Variants in PDE3A observed in about 807,000 individuals in gnomAD.
PDE3A encodes cGMP-inhibited 3',5'-cyclic phosphodiesterase 3A.
Under a neutral mutation model 98.3 loss-of-function variants are expected in PDE3A, and 43 were observed. That is an observed-to-expected ratio of 0.44 (90% CI 0.34 to 0.56). The LOEUF is 0.56. Among genes scored for constraint, PDE3A ranks in the 20% least tolerant of loss-of-function variants. The probability of loss-of-function intolerance (pLI) is 0.01; values close to 1 mark genes in which losing one functional copy is unlikely to be tolerated. For missense variants in PDE3A, 1,427 were observed against 1,440.7 expected, an observed-to-expected ratio of 0.99 and a Z score of 0.15; for synonymous variants, 663 against 567.9, an observed-to-expected ratio of 1.17 and a Z score of -2.38.
intron 1 of PDE3A, among the ~76,000 whole-genome samples, chr12:20,403,391 G>A (rs1406385963): frequency 6.6e-6 from 1 of 152,126 alleles, no homozygotes; most frequent in Non-Finnish European, 1.5e-5. Context: ...ACTTTGCAGG[G>A]AGAGCACTTA....
chr12:20,480,065 T>C (rs569748157), intron 1 of PDE3A, among the ~76,000 whole-genome samples: 1 of 152,218 alleles, frequency 6.6e-6, no homozygotes, highest in Non-Finnish European at 1.5e-5. Context: ...GCAGTGAAGA[T>C]GAGCTCATCT....
chr12:20,597,534 A>G (rs1943495250), intron 2 of PDE3A, among the ~76,000 whole-genome samples: 1 of 152,166 alleles, frequency 6.6e-6, no homozygotes. Context: ...GAAGAGAGGT[A>G]TGAATGATAA....
chr12:20,467,698 A>C (rs1945362755), intron 1 of PDE3A, among the ~76,000 whole-genome samples: 1 of 152,000 alleles, frequency 6.6e-6, no homozygotes, highest in Non-Finnish European at 1.5e-5. Context: ...GCATTTTGGG[A>C]GGCCAAGGTG....
In PDE3A at chr12:20,414,757, C is replaced by T. The variant is rs563390589; in HGVS notation, c.960+44513C>T. On this transcript the variant is annotated intron_variant, in intron 1 of 15. Coordinates refer to ENST00000359062, the MANE Select transcript of PDE3A (RefSeq NM_000921.5). ...CAGTTATTTGTCTTTTTCTTCTGAG[C>T]CAAGTACAAATACTTACATAACAAT... Among the ~76,000 whole-genome samples the T allele has an allele frequency of 1.1e-4, 16 of 152,134 alleles. 1 individual carries two copies. Among genetic ancestry groups the T allele is most frequent in the Non-Finnish European group, 1.6e-4 (11 of 68,010 alleles).
At chr12:20,417,013 A>G (rs1944431593) in intron 1 of PDE3A, among the ~76,000 whole-genome samples, 1 of 152,198 alleles carries the variant, frequency 6.6e-6, no homozygotes. Context: ...TAGAAATTTT[A>G]TGAATGATGG....
chr12:20,661,707 G>T (rs1399207880), intron 15 of PDE3A, among the ~76,000 whole-genome samples: 1 of 152,194 alleles, frequency 6.6e-6, no homozygotes, highest in Non-Finnish European at 1.5e-5. Flanking sequence ...GTAAACAGAA[G>T]TAAAGAACTG....
At chr12:20,673,739 C>G (rs1945555154) in intron 15 of PDE3A, among the ~76,000 whole-genome samples, 1 of 145,340 alleles carries the variant, frequency 6.9e-6, no homozygotes, top group Non-Finnish European at 1.5e-5. Flanking sequence ...GGGAGATATA[C>G]CTAATGCTAG....
intron 1 of PDE3A, among the ~76,000 whole-genome samples, chr12:20,381,085 A>T (rs1008406551): frequency 2.6e-5 from 4 of 151,780 alleles, no homozygotes; most frequent in African/African-American, 9.7e-5. Context: ...CGTTTTGTCC[A>T]CTTCTCGTCA....
At position 20,497,956 on chromosome 12, in the gene PDE3A, A is replaced by G. The variant is rs373811084; in HGVS notation, c.961-58704A>G. On this transcript the variant is annotated intron_variant, in intron 1 of 15. Coordinates refer to ENST00000359062, the MANE Select transcript of PDE3A (RefSeq NM_000921.5). ...AGTGGGGAGGAAATCATGTAAGTCAATATATCTTTTGCTATCCCACTGTTT... is the reference window on the plus strand; with the variant it reads ...AGTGGGGAGGAAATCATGTAAGTCAGTATATCTTTTGCTATCCCACTGTTT... Among the ~76,000 whole-genome samples, 26 of 152,296 alleles carry G rather than the reference A, an allele frequency of 1.7e-4. No homozygotes were observed. The East Asian group carries it at 2.1e-3, about 12-fold the overall frequency.
rs985840915 is a variant in PDE3A at position 20,542,787 on chromosome 12, C to T, written c.961-13873C>T. Among the ~76,000 whole-genome samples the T allele has an allele frequency of 8.6e-5, 13 of 152,044 alleles. No homozygotes were observed. In the East Asian group the frequency reaches 2.5e-3, roughly 29 times the overall value. ...AAGGAGATCAATTTTATAGATTAGT[C>T]TCCTGAAGTTGTGCCAGTGGGTTCG... is the stretch of plus-strand genomic sequence containing the variant. On this transcript the variant is annotated intron_variant, in intron 1 of 15. Transcript: ENST00000359062.
chr12:20,569,778 A>G (rs941150894), intron 2 of PDE3A, among the ~76,000 whole-genome samples: 4 of 152,188 alleles, frequency 2.6e-5, no homozygotes, highest in African/African-American at 9.7e-5. Flanking sequence ...GTATTTGTTC[A>G]TAAGCAAATG....
intron 2 of PDE3A, among the ~76,000 whole-genome samples, chr12:20,565,387 C>T (rs1942630468): frequency 6.6e-6 from 1 of 151,828 alleles, no homozygotes; most frequent in African/African-American, 2.4e-5. Flanking sequence ...TTTTATTAAT[C>T]CTGACAACAT....
At chr12:20,606,932 T>A (rs1592104704) in intron 2 of PDE3A, among the ~76,000 whole-genome samples, 2 of 151,434 alleles carry the variant, frequency 1.3e-5, no homozygotes, top group East Asian at 3.9e-4. Flanking sequence ...ATAATATTGA[T>A]TATACTTGTT....
chr12:20,639,849 T>A lies in PDE3A; in HGVS notation c.2143T>A (p.Ser715Thr), dbSNP rs759255381. The A allele has an allele frequency of 9.1e-6, 13 of 1,421,680 alleles. No homozygotes were observed. Among genetic ancestry groups the A allele is most frequent in the Non-Finnish European group, 1.2e-5 (12 of 1,005,276 alleles). 88.1% of individuals were successfully genotyped at this position (1,421,680 alleles called of 1,614,324 possible). A position where few individuals can be genotyped will look rare whatever the true frequency, so the allele number is the denominator to read the frequency against. Residue 715 changes from serine to threonine, a missense_variant, in exon 10 of 16, where the codon TCT (serine) becomes ACT (threonine). This residue lies in a region of PDE3A where 273 missense variants were observed against 420.3 expected (regional missense o/e 0.65). Coordinates refer to ENST00000359062, the MANE Select transcript of PDE3A (RefSeq NM_000921.5). ...RKCGRILSQV[S>T]YRLFEDMGLF... The stretch of plus-strand genomic sequence containing the variant: ...AAGGCTTTGTCTTCTTTTACAGGTA[T>A]CTTACAGACTTTTTGAAGACATGGG...
At chr12:20,595,320 C>T (rs1943439160) in intron 2 of PDE3A, among the ~76,000 whole-genome samples, 1 of 152,094 alleles carries the variant, frequency 6.6e-6, no homozygotes, top group Admixed American at 6.6e-5. Flanking sequence ...CTAAGTTCCC[C>T]TCATATCTCA....
chr12:20,503,708 C>T (rs1219471309), intron 1 of PDE3A, among the ~76,000 whole-genome samples: 1 of 151,942 alleles, frequency 6.6e-6, no homozygotes, highest in Admixed American at 6.6e-5. Flanking sequence ...TATTTCAATA[C>T]ATTTCTGTGT....
chr12:20,616,332 G>A lies in PDE3A; in HGVS notation c.1372G>A (p.Val458Ile), dbSNP rs768532663. ...TCTACCCACCTTGGAGCCTGCACCAGTACGGAGAGACCGCAGCACCAGCAT... is the reference window on the plus strand; with the variant it reads ...TCTACCCACCTTGGAGCCTGCACCAATACGGAGAGACCGCAGCACCAGCAT... ...TGLPTLEPAP[V>I]RRDRSTSIKL... The change falls in exon 4 of 16, where the codon GTA becomes ATA. Residue 458 changes from valine to isoleucine, a missense_variant. This residue lies in a region of PDE3A where 1,012 missense variants were observed against 886.5 expected (regional missense o/e 1.14). Coordinates refer to ENST00000359062, the MANE Select transcript of PDE3A (RefSeq NM_000921.5). 3 of 1,613,850 alleles carry A rather than the reference G, an allele frequency of 1.9e-6. No homozygotes were observed. The highest frequency in any genetic ancestry group is 1.7e-6 in the Non-Finnish European group (2 of 1,179,942).
intron 15 of PDE3A, among the ~76,000 whole-genome samples, chr12:20,673,860 TAAAAAAAATAAA>T (rs1945559539): frequency 6.6e-6 from 1 of 151,236 alleles, no homozygotes; most frequent in Non-Finnish European, 1.5e-5. Context: ...AAAATAAAAA[TAAAAAAAATAAA>T]AATAAAAATA....
chr12:20,668,420 C>T lies in PDE3A; in HGVS notation c.3185-11610C>T, dbSNP rs556736340. Among the ~76,000 whole-genome samples the T allele has an allele frequency of 1.1e-3, 165 of 152,114 alleles. 4 individuals carry two copies. Among genetic ancestry groups the T allele is most frequent in the African/African-American group, 3.7e-3 (154 of 41,510 alleles). On this transcript the variant is annotated intron_variant, in intron 15 of 15. Coordinates refer to ENST00000359062, the MANE Select transcript of PDE3A (RefSeq NM_000921.5). ...AGGGCACAGACAAACAAAAAGACAG[C>T]AGTAACCTCTGCAGACTTAAATGTC... is the stretch of plus-strand genomic sequence containing the variant.
Sources: gnomAD v4.1 joint callset for allele counts (sites outside exome capture counted in the v4.1 genomes callset) on GRCh38, gnomAD v4.1.1 for gene constraint, gnomAD v4.1.1 regional missense constraint, MANE v1.5 for transcripts, NCBI Gene and HGNC (gene_info 2026-07-23, HGNC 2026-07-21) for gene names.